The following SPATA13 variants were observed in gnomAD, a reference collection of about 807,000 sequenced individuals.
SPATA13 encodes the protein spermatogenesis associated 13, also known as spermatogenesis-associated protein 13.
In SPATA13, 50 loss-of-function variants were observed where a neutral mutation model predicts 104.0. The observed-to-expected ratio is 0.48, with a 90% confidence interval of 0.38 to 0.61. SPATA13 has a LOEUF of 0.61. Ranked by LOEUF, SPATA13 falls within the 20% of genes least tolerant of loss-of-function variation. The pLI is 0.00. For synonymous variants in SPATA13, 606 were observed against 667.5 expected, an observed-to-expected ratio of 0.91 and a Z score of 1.42; for missense variants, 1,524 against 1,690.6, an observed-to-expected ratio of 0.90 and a Z score of 1.73.
At chr13:24,142,187 C>G (rs1300507233) in intron 3 of SPATA13, among the ~76,000 whole-genome samples, 3 of 151,862 alleles carry the variant, frequency 2.0e-5, no homozygotes, top group Non-Finnish European at 4.4e-5. Flanking sequence ...GCCCCCCTCC[C>G]CCGCCAATAT....
At chr13:24,173,094 T>C (rs569134876) in intron 1 of SPATA13, among the ~76,000 whole-genome samples, 5 of 152,306 alleles carry the variant, frequency 3.3e-5, no homozygotes, top group South Asian at 4.1e-4. Context: ...TATATACTTT[T>C]TGAGACACAG....
chr13:24,257,098 T>A (rs1013139178), intron 4 of SPATA13, among the ~76,000 whole-genome samples: 9 of 152,232 alleles, frequency 5.9e-5, no homozygotes, highest in African/African-American at 2.2e-4. Context: ...CTTTAACCGG[T>A]CTGTTTATGT....
intron 3 of SPATA13, among the ~76,000 whole-genome samples, chr13:24,115,702 C>T (rs762724324): frequency 2.0e-5 from 3 of 152,188 alleles, no homozygotes; most frequent in South Asian, 2.1e-4. Context: ...GTCGGGAACA[C>T]GGGTGCCCTG....
chr13:24,118,989 T>G (rs1189137010), intron 3 of SPATA13, among the ~76,000 whole-genome samples: 2 of 151,528 alleles, frequency 1.3e-5, no homozygotes, highest in Non-Finnish European at 2.9e-5. Context: ...TACTGCAACC[T>G]CCACCTCCTG....
intron 3 of SPATA13, among the ~76,000 whole-genome samples, chr13:24,108,937 C>T (rs1044941184): frequency 6.6e-6 from 1 of 152,162 alleles, no homozygotes; most frequent in African/African-American, 2.4e-5. Context: ...TTGTAGCCCA[C>T]ACTCCAGCTC....
chr13:24,295,081 A>C (rs1876671289), intron 10 of SPATA13, among the ~76,000 whole-genome samples: 2 of 152,208 alleles, frequency 1.3e-5, no homozygotes, highest in South Asian at 4.1e-4. Flanking sequence ...TAAAATCTGA[A>C]GAGTATCTGC....
At chr13:24,173,334 C>T (rs897534570) in intron 1 of SPATA13, among the ~76,000 whole-genome samples, 5 of 149,684 alleles carry the variant, frequency 3.3e-5, no homozygotes, top group Admixed American at 2.0e-4. Flanking sequence ...ATCCTGCAAC[C>T]TTGTGGAACT....
intron 3 of SPATA13, among the ~76,000 whole-genome samples, chr13:24,151,318 C>A (rs2138470961): frequency 6.6e-6 from 1 of 152,128 alleles, no homozygotes; most frequent in Non-Finnish European, 1.5e-5. Context: ...GGCTGAGGAC[C>A]CGGAACCATT....
chr13:24,170,604 G>A (rs1444363628), intron 1 of SPATA13, among the ~76,000 whole-genome samples: 2 of 151,712 alleles, frequency 1.3e-5, no homozygotes, highest in Non-Finnish European at 2.9e-5. Flanking sequence ...CTCAGATTGA[G>A]GCTTTTGAAG....
At chr13:24,212,280 G>C (rs377121531) in intron 1 of SPATA13, among the ~76,000 whole-genome samples, 3 of 124,624 alleles carry the variant, frequency 2.4e-5, no homozygotes, top group Admixed American at 1.8e-4. Context: ...GGGTGACAGA[G>C]TGAGACCCTG....
chr13:24,148,797 C>G (rs1280462148), intron 3 of SPATA13, among the ~76,000 whole-genome samples: 1 of 152,124 alleles, frequency 6.6e-6, no homozygotes, highest in East Asian at 1.9e-4. Flanking sequence ...AGTGTGTGTC[C>G]AGAGAGATCT....
intron 3 of SPATA13, chr13:24,122,469 C>T: frequency 6.2e-7 from 1 of 1,608,398 alleles, no homozygotes. Flanking sequence ...CCTGCTTAGC[C>T]AGAATCTCCA....
chr13:24,004,370 T>C (rs1032997631), intron 2 of SPATA13, among the ~76,000 whole-genome samples: 2 of 152,224 alleles, frequency 1.3e-5, no homozygotes, highest in Admixed American at 1.3e-4. Flanking sequence ...GTGTGGCAAC[T>C]GTGCTTACTT....
intron 1 of SPATA13, among the ~76,000 whole-genome samples, chr13:24,213,273 T>A (rs1871120353): frequency 6.6e-6 from 1 of 152,144 alleles, no homozygotes; most frequent in Non-Finnish European, 1.5e-5. Context: ...TTTTTTTGTT[T>A]GTTTTTGTTT....
chr13:23,990,727 T>C (rs749767058), intron 2 of SPATA13, among the ~76,000 whole-genome samples: 1 of 152,236 alleles, frequency 6.6e-6, no homozygotes, highest in Admixed American at 6.5e-5. Flanking sequence ...CAGGATCACA[T>C]CTACCTTGTT....
intron 3 of SPATA13, among the ~76,000 whole-genome samples, chr13:24,077,731 G>A (rs539442988): frequency 9.9e-5 from 15 of 152,268 alleles, no homozygotes; most frequent in South Asian, 2.1e-4. Context: ...CCCCAGGACC[G>A]TGTATAATCC....
At chr13:23,980,862 G>T (rs1403915458) in intron 1 of SPATA13, among the ~76,000 whole-genome samples, 1 of 152,168 alleles carries the variant, frequency 6.6e-6, no homozygotes, top group Non-Finnish European at 1.5e-5. Flanking sequence ...TAAGTGCTGG[G>T]ATTAGAAGCT....
chr13:24,148,351 G>T (rs761003008), intron 3 of SPATA13, among the ~76,000 whole-genome samples: 1 of 140,500 alleles, frequency 7.1e-6, no homozygotes, highest in Admixed American at 7.9e-5. Context: ...AGAACACAAG[G>T]CTTTTTTGTT....
intron 3 of SPATA13, among the ~76,000 whole-genome samples, chr13:24,136,377 G>C (rs1177040608): frequency 3.3e-5 from 5 of 152,268 alleles, no homozygotes; most frequent in African/African-American, 9.6e-5. Flanking sequence ...TCGGGAGGCT[G>C]GGGCAGGAGA....
Sources: gnomAD v4.1 joint callset for allele counts (sites outside exome capture counted in the v4.1 genomes callset) on GRCh38, gnomAD v4.1.1 for gene constraint, MANE v1.5 for transcripts, NCBI Gene and HGNC (gene_info 2026-07-23, HGNC 2026-07-21) for gene names.